ATP8B1: variants seen among roughly 807,000 people sequenced by gnomAD.
ATP8B1 encodes phospholipid-transporting ATPase IC.
A neutral mutation model predicts 149.9 loss-of-function variants in ATP8B1; 80 were observed. The observed-to-expected ratio is 0.53, with a 90% CI of 0.45 to 0.64. The LOEUF (loss-of-function observed/expected upper bound fraction) is 0.64, where lower values mean the gene tolerates loss of function less well. Among genes scored for constraint, ATP8B1 ranks in the 30% least tolerant of loss-of-function variants. The probability of loss-of-function intolerance (pLI) is 0.00; values close to 1 mark genes in which losing one functional copy is unlikely to be tolerated. For synonymous variants in ATP8B1, 536 were observed against 562.8 expected (o/e 0.95, Z 0.67); for missense variants, 1,247 against 1,552.6 (o/e 0.80, Z 3.31).
chr18:57,753,663 C>T (rs1162463146), intron 1 of ATP8B1, among the ~76,000 whole-genome samples: 1 of 152,200 alleles, frequency 6.6e-6, no homozygotes, highest in African/African-American at 2.4e-5. Context: ...CACAGTGGCT[C>T]ACGCCTGTAA....
Position 57,668,554 on chromosome 18 carries a change from TAAAAA to T in ATP8B1, c.2098-19_2098-15del, listed in dbSNP as rs34422185. The T allele has an allele frequency of 2.2e-5, 14 of 643,504 alleles. 1 individual carries two copies. The highest frequency in any genetic ancestry group is 3.9e-5 in the Admixed American group (1 of 25,856). The allele number at this position is 643,504 out of a possible 1,614,324, so 39.9% of individuals were successfully genotyped here. A position where few individuals can be genotyped will look rare whatever the true frequency, so the allele number is the denominator to read the frequency against. ...AGCTCCCAGGAGCTAGAATGTATAT[TAAAAA>T]AAAAAAAAAAAGGAATTAGCAAACA... On this transcript the variant is annotated splice_polypyrimidine_tract_variant and intron_variant, in intron 18 of 27. Coordinates refer to ENST00000648908, the MANE Select transcript of ATP8B1 (RefSeq NM_001374385.1).
intron 1 of ATP8B1, among the ~76,000 whole-genome samples, chr18:57,748,184 T>C (rs146129592): frequency 1.3e-5 from 2 of 152,292 alleles, no homozygotes; most frequent in East Asian, 3.9e-4. Context: ...GCTAACTATG[T>C]GTTCTATGCA....
At chr18:57,768,532 G>A (rs2080237620) in intron 1 of ATP8B1, among the ~76,000 whole-genome samples, 1 of 134,198 alleles carries the variant, frequency 7.5e-6, no homozygotes, top group Admixed American at 8.4e-5. Context: ...AATTGAGGGA[G>A]GAAAACATAG....
At chr18:57,704,232 T>A (rs1913274777) in intron 4 of ATP8B1, among the ~76,000 whole-genome samples, 1 of 152,198 alleles carries the variant, frequency 6.6e-6, no homozygotes, top group Non-Finnish European at 1.5e-5. Flanking sequence ...CCTCCCAAAG[T>A]GCTGGGATTA....
chr18:57,682,374 C>T (rs1240703474), intron 15 of ATP8B1, among the ~76,000 whole-genome samples: 1 of 152,138 alleles, frequency 6.6e-6, no homozygotes, highest in African/African-American at 2.4e-5. Flanking sequence ...CAGAGAGGGA[C>T]CCAGACTGGG....
chr18:57,682,892 G>C (rs1359831484), intron 15 of ATP8B1, among the ~76,000 whole-genome samples: 23 of 152,060 alleles, frequency 1.5e-4, no homozygotes. Flanking sequence ...AAGCTGGAGG[G>C]TAATGGTGAG....
At chr18:57,711,527 C>G (rs755750233) in intron 2 of ATP8B1, among the ~76,000 whole-genome samples, 5 of 152,204 alleles carry the variant, frequency 3.3e-5, no homozygotes, top group African/African-American at 7.2e-5. Context: ...TGCAAGCATT[C>G]TTTGCGCATA....
At chr18:57,741,630 G>A (rs1419950949) in intron 1 of ATP8B1, among the ~76,000 whole-genome samples, 1 of 152,206 alleles carries the variant, frequency 6.6e-6, no homozygotes, top group Non-Finnish European at 1.5e-5. Context: ...GAAACTGTGA[G>A]ATAATAAATG....
intron 1 of ATP8B1, among the ~76,000 whole-genome samples, chr18:57,749,090 C>A (rs2079992429): frequency 6.6e-6 from 1 of 152,150 alleles, no homozygotes; most frequent in Admixed American, 6.5e-5. Context: ...AAAGCATGGC[C>A]CCAGGAAAAA....
At chr18:57,691,378 C>A (rs1167117916) in intron 12 of ATP8B1, among the ~76,000 whole-genome samples, 2 of 152,060 alleles carry the variant, frequency 1.3e-5, no homozygotes, top group Admixed American at 6.6e-5. Flanking sequence ...AAGTTCTCCA[C>A]CTTGGGTGTG....
chr18:57,714,439 G>A (rs1410674812), intron 2 of ATP8B1, among the ~76,000 whole-genome samples: 2 of 152,106 alleles, frequency 1.3e-5, no homozygotes, highest in Non-Finnish European at 2.9e-5. Flanking sequence ...GTTACAGTGG[G>A]CCATGGCGAG....
intron 1 of ATP8B1, among the ~76,000 whole-genome samples, chr18:57,738,645 TAAAA>T (rs2079882401): frequency 6.6e-6 from 1 of 151,592 alleles, no homozygotes; most frequent in Non-Finnish European, 1.5e-5. Context: ...TAAAATAAAA[TAAAA>T]TAAAATAAAG....
Position 57,667,081 on chromosome 18 carries a change from C to A in ATP8B1, c.2285+11G>T. On this transcript the variant is annotated intron_variant, in intron 20 of 27. Coordinates refer to ENST00000648908, the MANE Select transcript of ATP8B1 (RefSeq NM_001374385.1). ...CTATTACGTAATTTCATACTGCAGG[C>A]TTTTACTCACTTAATATCCTCCCCA... The A allele has an allele frequency of 1.2e-6, 2 of 1,600,904 alleles. No homozygotes were observed. Among genetic ancestry groups the A allele is most frequent in the Non-Finnish European group, 1.7e-6 (2 of 1,167,940 alleles).
intron 1 of ATP8B1, among the ~76,000 whole-genome samples, chr18:57,780,679 A>G (rs1365130640): frequency 6.6e-6 from 1 of 152,240 alleles, no homozygotes; most frequent in African/African-American, 2.4e-5. Context: ...GCAGCCTTCA[A>G]AATCTCTCAG....
At chr18:57,662,081 A>G (rs993596352) in intron 21 of ATP8B1, among the ~76,000 whole-genome samples, 2 of 152,158 alleles carry the variant, frequency 1.3e-5, no homozygotes, top group African/African-American at 2.4e-5. Flanking sequence ...TGCAGTGGCT[A>G]TTCATTCACA....
chr18:57,654,197 G>C (rs1909833051), intron 23 of ATP8B1, 122 bp from the exon 24 acceptor site: 5 of 927,234 alleles, frequency 5.4e-6, no homozygotes, highest in Non-Finnish European at 8.5e-6. Flanking sequence ...ATAGAGATGG[G>C]GGTCTTGCTA....
At chr18:57,769,028 G>A (rs894472628) in intron 1 of ATP8B1, among the ~76,000 whole-genome samples, 23 of 152,208 alleles carry the variant, frequency 1.5e-4, no homozygotes, top group African/African-American at 5.5e-4. Context: ...AGTGAGTAAG[G>A]TGGGTGGCTG....
chr18:57,664,400 G>A (rs568157963), intron 20 of ATP8B1, among the ~76,000 whole-genome samples: 1 of 151,234 alleles, frequency 6.6e-6, no homozygotes, highest in Admixed American at 6.6e-5. Context: ...CAGTTACTTG[G>A]GAGGCTGAGG....
At chr18:57,790,394 C>T (rs146817394) in intron 1 of ATP8B1, among the ~76,000 whole-genome samples, 1,728 of 152,102 alleles carry the variant, frequency 0.011, 12 homozygotes, top group Non-Finnish European at 0.017. Flanking sequence ...CACATCACGC[C>T]GCTGCTTAAA....
Sources: allele counts gnomAD v4.1 joint callset (sites outside exome capture counted in the v4.1 genomes callset), GRCh38; gene constraint gnomAD v4.1.1; transcripts MANE v1.5; gene names NCBI Gene and HGNC (gene_info 2026-07-23, HGNC 2026-07-21).